The following SGCG variants were observed in gnomAD, a reference collection of about 807,000 sequenced individuals.
SGCG encodes the protein sarcoglycan gamma.
Under a neutral mutation model 29.3 loss-of-function variants are expected in SGCG, and 26 were observed. The ratio of observed to expected loss-of-function variants is 0.89; its 90% CI spans 0.65 to 1.23. The LOEUF is 1.23. SGCG is among the 50% of genes most tolerant of loss of function. The pLI is 0.00. For synonymous variants in SGCG, 145 were observed against 129.7 expected, an observed-to-expected ratio of 1.12 and a Z score of -0.80; for missense variants, 353 against 356.0, an observed-to-expected ratio of 0.99 and a Z score of 0.07.
At chr13:23,316,646 G>C (rs1241105810) in intron 6 of SGCG, among the ~76,000 whole-genome samples, 4 of 152,310 alleles carry the variant, frequency 2.6e-5, no homozygotes, top group African/African-American at 7.2e-5. Flanking sequence ...GAATCAAGGG[G>C]TGGAAGTGGA....
At chr13:23,284,603 C>T (rs1344966790) in intron 5 of SGCG, among the ~76,000 whole-genome samples, 1 of 152,206 alleles carries the variant, frequency 6.6e-6, no homozygotes, top group Non-Finnish European at 1.5e-5. Context: ...AAGCCTACTT[C>T]TGTTCAATTC....
intron 3 of SGCG, among the ~76,000 whole-genome samples, chr13:23,250,115 G>A (rs1399448495): frequency 6.6e-6 from 1 of 152,114 alleles, no homozygotes; most frequent in Non-Finnish European, 1.5e-5. Context: ...TTTATCTGGA[G>A]AGCAAGAACA....
intron 3 of SGCG, among the ~76,000 whole-genome samples, chr13:23,240,196 A>T (rs1047867642): frequency 3.3e-5 from 5 of 152,250 alleles, no homozygotes; most frequent in Admixed American, 1.3e-4. Flanking sequence ...GACAAAGTAG[A>T]TTTCACAGCA....
upstream of SGCG, among the ~76,000 whole-genome samples, chr13:23,180,127 A>G (rs949901261): frequency 1.3e-5 from 2 of 152,170 alleles, no homozygotes; most frequent in East Asian, 3.8e-4. Context: ...TTTAGTACTA[A>G]AATGCAAATA....
At chr13:23,246,455 T>G (rs1037838392) in intron 3 of SGCG, 2 of 152,130 alleles carry the variant, frequency 1.3e-5, no homozygotes, top group African/African-American at 4.8e-5. Flanking sequence ...TTCAGAAAAA[T>G]GTATAGCAAC....
upstream of SGCG, among the ~76,000 whole-genome samples, chr13:23,177,218 G>A (rs1159949377): frequency 2.0e-5 from 3 of 152,134 alleles, no homozygotes; most frequent in Non-Finnish European, 4.4e-5. Flanking sequence ...AGAGAATGGG[G>A]AGGGGAAGGG....
intron 5 of SGCG, 121 bp downstream of exon 5, chr13:23,279,599 C>A: frequency 1.3e-6 from 1 of 782,162 alleles, no homozygotes; most frequent in Non-Finnish European, 2.0e-6. Context: ...GAATGTGTTG[C>A]ATTTTCTCCA....
intron 3 of SGCG, among the ~76,000 whole-genome samples, chr13:23,238,975 G>A (rs1446949740): frequency 1.3e-5 from 2 of 151,922 alleles, no homozygotes; most frequent in Non-Finnish European, 2.9e-5. Flanking sequence ...GTAACTAGAG[G>A]GACAATGTCA....
At position 23,266,594 on chromosome 13, in the gene SGCG, T is replaced by C. The variant is rs151297041; in HGVS notation, c.386-12765T>C. Among the ~76,000 whole-genome samples the C allele has an allele frequency of 7.2e-3, 1,095 of 152,254 alleles. 4 individuals are homozygous for C. The highest frequency in any genetic ancestry group is 0.012 in the Non-Finnish European group (801 of 68,008). ...TGGGTGAGAGATGAAAAACTACCTA[T>C]TGGGTACTATGTACACTACTTGGGT... On this transcript the variant is annotated intron_variant, in intron 4 of 7. Transcript: ENST00000218867.
chr13:23,291,505 G>T (rs1326502), intron 5 of SGCG, among the ~76,000 whole-genome samples: 33,983 of 151,918 alleles, frequency 0.22, 3,958 homozygotes, highest in South Asian at 0.38. Flanking sequence ...TTTATTATAC[G>T]CAAATAGGTT....
rs201561742 is a variant in SGCG at position 23,246,098 on chromosome 13, A to G, written c.298-4532A>G. 6.2e-3 allele frequency: 706 copies of G among 113,578 alleles called. 5 individuals are homozygous for G. Among genetic ancestry groups the G allele is most frequent in the African/African-American group, 0.02 (627 of 31,212 alleles). 7.0% of individuals were successfully genotyped at this position (113,578 alleles called of 1,614,324 possible). A position where few individuals can be genotyped will look rare whatever the true frequency, so the allele number is the denominator to read the frequency against. On this transcript the variant is annotated intron_variant, in intron 3 of 7. Coordinates refer to ENST00000218867, the MANE Select transcript of SGCG (RefSeq NM_000231.3). ...AGCAGCTTCAGCAGCAGCAGCAGCA[A>G]CAACAACATATTCCAGAATGAGAGG... is the stretch of plus-strand genomic sequence containing the variant.
At chr13:23,248,859 C>T (rs867635236) in intron 3 of SGCG, among the ~76,000 whole-genome samples, 3 of 151,170 alleles carry the variant, frequency 2.0e-5, no homozygotes, top group Non-Finnish European at 2.9e-5. Context: ...GGCGTGGTGG[C>T]GGGCACCTGT....
chr13:23,274,395 C>CTTTTTTTTTTTTTTTT (rs869153381), intron 4 of SGCG, among the ~76,000 whole-genome samples: 8 of 85,252 alleles, frequency 9.4e-5, no homozygotes, highest in African/African-American at 1.8e-4. Context: ...CTTTCTTTCT[C>CTTTTTTTTTTTTTTTT]TTTTTTTTTT....
chr13:23,217,415 T>G (rs1878472785), intron 2 of SGCG: 1 of 152,118 alleles, frequency 6.6e-6, no homozygotes, highest in South Asian at 2.1e-4. Context: ...ATTATGAAAA[T>G]TTTCAAATGC....
intron 4 of SGCG, among the ~76,000 whole-genome samples, chr13:23,274,524 G>A (rs9552904): frequency 0.44 from 66,127 of 149,536 alleles, 15,203 homozygotes; most frequent in Middle Eastern, 0.65. Context: ...CCAGGTTGAC[G>A]CCATTCTCCT....
At chr13:23,225,323 A>G (rs1026915303) in intron 2 of SGCG, among the ~76,000 whole-genome samples, 5 of 152,188 alleles carry the variant, frequency 3.3e-5, no homozygotes, top group Non-Finnish European at 2.9e-5. Flanking sequence ...CAGCTGATTA[A>G]AGGGCCAGGC....
At chr13:23,301,093 G>A (rs1926488) in intron 6 of SGCG, among the ~76,000 whole-genome samples, 109,512 of 151,710 alleles carry the variant, frequency 0.72, 41,406 homozygotes, top group East Asian at 0.89. Flanking sequence ...TCCAGCCTGG[G>A]CGACAGAGCG....
intron 6 of SGCG, among the ~76,000 whole-genome samples, chr13:23,313,973 C>T (rs192000330): frequency 1.3e-3 from 202 of 152,258 alleles, no homozygotes; most frequent in Non-Finnish European, 2.2e-3. Context: ...CTATGCTGGA[C>T]GCTTCCTGCC....
At chr13:23,173,310 T>G in the SGCG span, among the ~76,000 whole-genome samples, 1 of 151,754 alleles carries the variant, frequency 6.6e-6, no homozygotes, top group Non-Finnish European at 1.5e-5. Flanking sequence ...GGAGGAGGAG[T>G]CACACATGCA....
Sources: gnomAD v4.1 joint callset for allele counts (sites outside exome capture counted in the v4.1 genomes callset) on GRCh38, gnomAD v4.1.1 for gene constraint, MANE v1.5 for transcripts, NCBI Gene and HGNC (gene_info 2026-07-23, HGNC 2026-07-21) for gene names.